Variants in PLEKHO2 observed in about 807,000 individuals in gnomAD.
The protein encoded by PLEKHO2 is pleckstrin homology domain-containing family O member 2.
PLEKHO2 carries 20 observed loss-of-function variants against 32.7 expected under a neutral mutation model. That is an observed-to-expected ratio of 0.61 (90% confidence interval 0.43 to 0.89). The LOEUF (loss-of-function observed/expected upper bound fraction) is 0.89. Ranked by LOEUF, PLEKHO2 falls within the 40% of genes least tolerant of loss-of-function variation. PLEKHO2 has a pLI of 0.00. For synonymous variants in PLEKHO2, 247 were observed against 246.3 expected, an observed-to-expected ratio of 1.00 and a Z score of -0.03; for missense variants, 568 against 621.2, an observed-to-expected ratio of 0.91 and a Z score of 0.91.
At position 64,866,427 on chromosome 15, in the gene PLEKHO2, C is replaced by T. The variant is rs2084688080; in HGVS notation, c.*539C>T. ...GGGTCCAGGCTCTAGGTTCATCCCT[C>T]AGTTGGGGGGAACGTAGGACCCAGC... is the stretch of plus-strand genomic sequence containing the variant. On this transcript the variant is annotated 3_prime_UTR_variant, in exon 6 of 6. Coordinates refer to ENST00000323544, the MANE Select transcript of PLEKHO2 (RefSeq NM_025201.5). 4 of 456,198 alleles carry T rather than the reference C, an allele frequency of 8.8e-6. No individual in the cohort carries two copies. The highest frequency in any genetic ancestry group is 1.8e-5 in the Non-Finnish European group (4 of 226,898). 28.3% of individuals were successfully genotyped at this position (456,198 alleles called of 1,614,324 possible).
intron 2 of PLEKHO2, among the ~76,000 whole-genome samples, chr15:64,853,336 G>A (rs1247125607): frequency 2.0e-5 from 3 of 149,282 alleles, no homozygotes; most frequent in Non-Finnish European, 4.5e-5. Context: ...GAGTGCAGTG[G>A]AGCGATCTTG....
At chr15:64,859,242 T>C (rs2084626450) in intron 3 of PLEKHO2, among the ~76,000 whole-genome samples, 1 of 152,234 alleles carries the variant, frequency 6.6e-6, no homozygotes. Flanking sequence ...GGTGTACAAA[T>C]TGGATACATC....
intron 5 of PLEKHO2, among the ~76,000 whole-genome samples, chr15:64,861,824 G>T (rs182615183): frequency 6.0e-4 from 91 of 152,286 alleles, no homozygotes; most frequent in Non-Finnish European, 9.7e-4. Context: ...GCCAGAGTTG[G>T]TGCCAGAGGG....
intron 1 of PLEKHO2, among the ~76,000 whole-genome samples, chr15:64,846,436 C>T (rs1354767992): frequency 6.6e-6 from 1 of 152,130 alleles, no homozygotes; most frequent in Non-Finnish European, 1.5e-5. Context: ...CCTCAGCCTC[C>T]TGAGTAGCTG....
At position 64,865,013 on chromosome 15, in the gene PLEKHO2, C is replaced by A. The variant is rs764320051; in HGVS notation, c.598C>A (p.Pro200Thr). The change falls in exon 6 of 6, where the codon CCC becomes ACC. Residue 200 changes from proline to threonine, a missense_variant. Physicochemically the swap from Pro to Thr is conservative, Grantham distance 38. Coordinates refer to ENST00000323544, the MANE Select transcript of PLEKHO2 (RefSeq NM_025201.5). Reference sequence around the variant, plus strand: ...CAGTGAAGCCCAACCTCGGGAGACACCCCGGCCCCTCATGCCTCCTACCAA... The same window carrying A: ...CAGTGAAGCCCAACCTCGGGAGACAACCCGGCCCCTCATGCCTCCTACCAA... ...HVSEAQPRET[P>T]RPLMPPTKPF... is the part of the protein sequence containing the mutation. 3 of 1,614,024 alleles carry A rather than the reference C, an allele frequency of 1.9e-6. No homozygotes were observed. Among genetic ancestry groups the A allele is most frequent in the South Asian group, 1.1e-5 (1 of 91,090 alleles).
Position 64,865,430 on chromosome 15 carries a change from G to C in PLEKHO2, c.1015G>C (p.Val339Leu). ...TTCTGGGCCACCTGCTCCAGGCACA[G>C]TGCAGGTCTCAGTGAATGGCATGGA... ...QASGPPAPGT[V>L]QVSVNGMDDS... Residue 339 changes from valine (V) to leucine (L), a missense_variant, in exon 6 of 6, where the codon GTG becomes CTG. Val to Leu is a conservative substitution (Grantham distance 32). Coordinates refer to ENST00000323544, the MANE Select transcript of PLEKHO2 (RefSeq NM_025201.5). 1 of 1,614,114 alleles carries C rather than the reference G, an allele frequency of 6.2e-7. No individual in the cohort carries two copies. The highest frequency in any genetic ancestry group is 1.1e-5 in the South Asian group (1 of 91,088).
At chr15:64,858,192 C>G (rs992168643) in intron 3 of PLEKHO2, among the ~76,000 whole-genome samples, 1 of 152,228 alleles carries the variant, frequency 6.6e-6, no homozygotes, top group Non-Finnish European at 1.5e-5. Context: ...AACTGAAGAT[C>G]TGCTTCCAGG....
intron 5 of PLEKHO2, among the ~76,000 whole-genome samples, chr15:64,863,276 C>T (rs2084655690): frequency 6.6e-6 from 1 of 152,028 alleles, no homozygotes; most frequent in Admixed American, 6.6e-5. Context: ...TAGGGCTGTC[C>T]CGGGGTGCAG....
intron 5 of PLEKHO2, among the ~76,000 whole-genome samples, chr15:64,862,930 C>G (rs896574659): frequency 6.7e-6 from 1 of 148,644 alleles, no homozygotes; most frequent in Admixed American, 6.8e-5. Flanking sequence ...CTCCCCTCTC[C>G]CCCCACCTCT....
chr15:64,866,432 G>T lies in PLEKHO2; in HGVS notation c.*544G>T, dbSNP rs1273187617. 1 of 455,720 alleles carries T rather than the reference G, an allele frequency of 2.2e-6. No homozygotes were observed. Among genetic ancestry groups the T allele is most frequent in the South Asian group, 1.6e-5 (1 of 64,492 alleles). 28.2% of individuals were successfully genotyped at this position (455,720 alleles called of 1,614,324 possible). A position where few individuals can be genotyped will look rare whatever the true frequency, so the allele number is the denominator to read the frequency against. ...CAGGCTCTAGGTTCATCCCTCAGTT[G>T]GGGGGAACGTAGGACCCAGCTGGAG... On this transcript the variant is annotated 3_prime_UTR_variant, in exon 6 of 6. Coordinates refer to ENST00000323544, the MANE Select transcript of PLEKHO2 (RefSeq NM_025201.5).
rs369451494 is a variant in PLEKHO2, at chr15:64,860,003, G to A, written c.384+5G>A. 69 of 1,612,508 alleles carry A rather than the reference G, an allele frequency of 4.3e-5. No homozygotes were observed. The highest frequency in any genetic ancestry group is 6.7e-5 in the Admixed American group (4 of 60,000). On this transcript the variant is annotated splice_donor_5th_base_variant and intron_variant, in intron 4 of 5. Coordinates refer to ENST00000323544, the MANE Select transcript of PLEKHO2 (RefSeq NM_025201.5). ...AAAAACAAGGCTTTCGATGAGGTGC[G>A]ATGCAGTCTGTGGACATGGACAGCT... is the stretch of plus-strand genomic sequence containing the variant.
At chr15:64,855,759 G>C (rs2084602540) in intron 3 of PLEKHO2, among the ~76,000 whole-genome samples, 1 of 152,218 alleles carries the variant, frequency 6.6e-6, no homozygotes, top group Non-Finnish European at 1.5e-5. Flanking sequence ...CCTCTCGCCA[G>C]CTTGCACCCA....
chr15:64,844,291 G>T (rs1035404359), intron 1 of PLEKHO2, among the ~76,000 whole-genome samples: 4 of 152,232 alleles, frequency 2.6e-5, no homozygotes, highest in African/African-American at 9.6e-5. Flanking sequence ...GCTCTTGTCA[G>T]GCTGAGGCTT....
chr15:64,850,596 G>A (rs983275367), intron 2 of PLEKHO2, among the ~76,000 whole-genome samples: 1 of 152,206 alleles, frequency 6.6e-6, no homozygotes, highest in African/African-American at 2.4e-5. Context: ...ACTGGCAGGA[G>A]GCTGTACTTC....
rs1386650005 is a variant in PLEKHO2 at position 64,848,761 on chromosome 15, C to A, written c.162+19C>A. On this transcript the variant is annotated intron_variant, in intron 2 of 5. Transcript: ENST00000323544. ...GAATGAGGTGAGGACCTGCTTGGCCCTGAGATTGGGGGTTCTGGGACAGGG... is the reference window on the plus strand; with the variant it reads ...GAATGAGGTGAGGACCTGCTTGGCCATGAGATTGGGGGTTCTGGGACAGGG... The A allele has an allele frequency of 1.9e-6, 3 of 1,613,608 alleles. No homozygotes were observed. The highest frequency in any genetic ancestry group is 2.5e-6 in the Non-Finnish European group (3 of 1,179,868).
chr15:64,860,158 C>T (rs2084632421), intron 4 of PLEKHO2, among the ~76,000 whole-genome samples, 160 bp downstream of exon 4: 1 of 152,120 alleles, frequency 6.6e-6, no homozygotes, highest in African/African-American at 2.4e-5. Context: ...TACAGCCCCT[C>T]ATAGTAGGTG....
chr15:64,862,582 A>G (rs571837527), intron 5 of PLEKHO2, among the ~76,000 whole-genome samples: 1 of 152,112 alleles, frequency 6.6e-6, no homozygotes, highest in South Asian at 2.1e-4. Flanking sequence ...AACCTCAGCA[A>G]GTGCTACATT....
At chr15:64,852,523 A>G (rs1458359913) in intron 2 of PLEKHO2, among the ~76,000 whole-genome samples, 2 of 152,156 alleles carry the variant, frequency 1.3e-5, no homozygotes, top group African/African-American at 4.8e-5. Flanking sequence ...TTGCACCCCA[A>G]GAGATTGTGG....
chr15:64,846,043 G>A (rs1014303053), intron 1 of PLEKHO2, among the ~76,000 whole-genome samples: 6 of 152,182 alleles, frequency 3.9e-5, no homozygotes, highest in Non-Finnish European at 8.8e-5. Flanking sequence ...CGTTGCAGTA[G>A]GAGGGTTGTC....
Sources: allele counts gnomAD v4.1 joint callset (sites outside exome capture counted in the v4.1 genomes callset), GRCh38; gene constraint gnomAD v4.1.1; transcripts MANE v1.5; gene names NCBI Gene and HGNC (gene_info 2026-07-23, HGNC 2026-07-21).